The following RBFOX1 variants were observed in gnomAD, a reference collection of about 807,000 sequenced individuals.
RBFOX1 encodes RNA binding protein fox-1 homolog 1.
Under a neutral mutation model 57.7 loss-of-function variants are expected in RBFOX1, and 8 were observed. The ratio of observed to expected loss-of-function variants is 0.14; its 90% CI spans 0.08 to 0.25. RBFOX1 has a LOEUF of 0.25. Among genes scored for constraint, RBFOX1 ranks in the 10% least tolerant of loss-of-function variants. RBFOX1 has a pLI of 1.00. For synonymous variants in RBFOX1, 326 were observed against 222.4 expected (o/e 1.47, Z -4.15); for missense variants, 611 against 548.5 (o/e 1.11, Z -1.14).
intron 4 of RBFOX1, among the ~76,000 whole-genome samples, chr16:7,178,965 A>G (rs1246679231): frequency 1.3e-5 from 2 of 152,194 alleles, no homozygotes; most frequent in African/African-American, 4.8e-5. Context: ...CTGCTGGCCC[A>G]TTATAATTTT....
At chr16:6,876,942 C>T (rs12926219) in intron 3 of RBFOX1, among the ~76,000 whole-genome samples, 1 of 151,794 alleles carries the variant, frequency 6.6e-6, no homozygotes, top group Non-Finnish European at 1.5e-5. Context: ...TCAAGTTTCT[C>T]AGTATTTATG....
At chr16:6,846,660 C>G (rs946828663) in intron 3 of RBFOX1, among the ~76,000 whole-genome samples, 1 of 152,128 alleles carries the variant, frequency 6.6e-6, no homozygotes, top group African/African-American at 2.4e-5. Context: ...CTACAGACGT[C>G]AAATAACCAA....
chr16:6,432,538 G>C (rs920236456), intron 2 of RBFOX1, among the ~76,000 whole-genome samples: 1 of 151,264 alleles, frequency 6.6e-6, no homozygotes, highest in Non-Finnish European at 1.5e-5. Context: ...AAAAATGAGC[G>C]GGGTGTGGTG....
chr16:7,410,871 A>G (rs8044319), intron 4 of RBFOX1, among the ~76,000 whole-genome samples: 137,022 of 151,312 alleles, frequency 0.91, 62,143 homozygotes, highest in South Asian at 0.96. Context: ...GTGTGTGTAA[A>G]TCACCCTAAT....
intron 10 of RBFOX1, among the ~76,000 whole-genome samples, chr16:7,616,743 G>T (rs2058509430): frequency 6.6e-6 from 1 of 152,064 alleles, no homozygotes; most frequent in Non-Finnish European, 1.5e-5. Flanking sequence ...CGTTAGCCAG[G>T]CTGGTCTTGA....
At chr16:5,409,072 G>C (rs2066941645) in intron 1 of RBFOX1, among the ~76,000 whole-genome samples, 1 of 152,232 alleles carries the variant, frequency 6.6e-6, no homozygotes, top group Non-Finnish European at 1.5e-5. Context: ...GCTGTGCTAA[G>C]TGTTAAGGTA....
chr16:6,037,221 AACC>A (rs372930435), intron 1 of RBFOX1: 106 of 152,300 alleles, frequency 7.0e-4, no homozygotes, highest in African/African-American at 2.3e-3. Context: ...AACCCCATAA[AACC>A]ACAACAGTAA....
intron 2 of RBFOX1, among the ~76,000 whole-genome samples, chr16:6,485,525 C>A (rs1236613055): frequency 6.7e-6 from 1 of 149,194 alleles, no homozygotes; most frequent in Non-Finnish European, 1.5e-5. Context: ...GCTGGAGGAT[C>A]ACCAGAGCCT....
chr16:6,827,973 G>C (rs78574908), intron 3 of RBFOX1, among the ~76,000 whole-genome samples: 2,787 of 152,246 alleles, frequency 0.018, 63 homozygotes, highest in African/African-American at 0.063. Context: ...GCTCTGTAGG[G>C]GACAAATCTT....
At chr16:5,480,134 C>G (rs890723297) in intron 2 of RBFOX1, among the ~76,000 whole-genome samples, 5 of 152,210 alleles carry the variant, frequency 3.3e-5, no homozygotes, top group African/African-American at 9.6e-5. Context: ...GAAGCTATCT[C>G]AGATTCACAG....
At chr16:5,966,580 A>G (rs983820907) in intron 4 of RBFOX1, among the ~76,000 whole-genome samples, 14 of 152,130 alleles carry the variant, frequency 9.2e-5, no homozygotes, top group Non-Finnish European at 1.6e-4. Context: ...TCAGCCTCCC[A>G]AGTAGCTGGG....
chr16:5,820,432 G>A (rs968138137), intron 3 of RBFOX1, among the ~76,000 whole-genome samples: 2 of 152,138 alleles, frequency 1.3e-5, no homozygotes, highest in Non-Finnish European at 2.9e-5. Context: ...CCCCGGCCAC[G>A]TGGCTGGACC....
Position 6,359,736 on chromosome 16 carries a change from A to ATAAG in RBFOX1, c.-64+42681_-64+42682insAGTA, listed in dbSNP as rs1425719560. On this transcript the variant is annotated intron_variant, in intron 2 of 15. Transcript: ENST00000550418. The stretch of plus-strand genomic sequence containing the variant: ...TCTTCCACGAAGGGATCAGGCGTGT[A>ATAAG]TATAAGCCAGCCTTATACTTATACT... Among the ~76,000 whole-genome samples, 5 of 152,314 alleles carry ATAAG rather than the reference A, an allele frequency of 3.3e-5. No homozygotes were observed. The East Asian group carries it at 9.6e-4, about 29-fold the overall frequency.
intron 1 of RBFOX1, among the ~76,000 whole-genome samples, chr16:5,430,467 C>G (rs796702866): frequency 6.6e-5 from 10 of 152,228 alleles, no homozygotes; most frequent in African/African-American, 2.4e-4. Flanking sequence ...GGGGCTGGAG[C>G]TGGAGGAGGC....
At chr16:7,259,166 C>G (rs963793739) in intron 4 of RBFOX1, among the ~76,000 whole-genome samples, 1 of 152,190 alleles carries the variant, frequency 6.6e-6, no homozygotes, top group Non-Finnish European at 1.5e-5. Context: ...CACCACATGA[C>G]CTCTCCTCCA....
chr16:6,595,657 CA>C (rs1437911716), intron 2 of RBFOX1, among the ~76,000 whole-genome samples: 1 of 152,128 alleles, frequency 6.6e-6, no homozygotes, highest in African/African-American at 2.4e-5. Context: ...GTGGGTACCC[CA>C]TTTTACATTC....
At chr16:6,847,647 C>T (rs1377689740) in intron 3 of RBFOX1, among the ~76,000 whole-genome samples, 1 of 152,056 alleles carries the variant, frequency 6.6e-6, no homozygotes, top group Non-Finnish European at 1.5e-5. Flanking sequence ...GCCAGTAATT[C>T]AGTCGACCAC....
chr16:6,403,384 A>G (rs2093154195), intron 2 of RBFOX1, among the ~76,000 whole-genome samples: 3 of 151,984 alleles, frequency 2.0e-5, no homozygotes, highest in Admixed American at 2.0e-4. Flanking sequence ...TTTTTTAAAT[A>G]GAGGATTCTA....
chr16:7,507,232 C>G (rs1197080168), intron 4 of RBFOX1, among the ~76,000 whole-genome samples: 5 of 151,982 alleles, frequency 3.3e-5, no homozygotes, highest in African/African-American at 1.2e-4. Context: ...TTATTTTTAC[C>G]CCAATTCATA....
Sources: gnomAD v4.1 joint callset for allele counts (sites outside exome capture counted in the v4.1 genomes callset) on GRCh38, gnomAD v4.1.1 for gene constraint, MANE v1.5 for transcripts, NCBI Gene and HGNC (gene_info 2026-07-23, HGNC 2026-07-21) for gene names.